MBNL2: variants seen among roughly 807,000 people sequenced by gnomAD.
MBNL2 encodes muscleblind like splicing regulator 2.
MBNL2 carries 17 observed loss-of-function variants against 41.9 expected under a neutral mutation model. That is an observed-to-expected ratio of 0.41 (90% confidence interval 0.28 to 0.61). The LOEUF (loss-of-function observed/expected upper bound fraction) is 0.61. MBNL2 is among the 20% of genes least tolerant of loss of function. The pLI is 0.35. For missense variants in MBNL2, 336 were observed against 505.6 expected, an observed-to-expected ratio of 0.66 and a Z score of 3.22; for synonymous variants, 195 against 182.9, an observed-to-expected ratio of 1.07 and a Z score of -0.53.
intron 8 of MBNL2, among the ~76,000 whole-genome samples, chr13:97,372,211 C>G (rs890685120): frequency 1.3e-5 from 2 of 152,148 alleles, no homozygotes; most frequent in Non-Finnish European, 1.5e-5. Flanking sequence ...GCCTTAGAAG[C>G]TAACGAAATC....
the MBNL2 span, among the ~76,000 whole-genome samples, chr13:97,211,885 C>A: frequency 1.2e-4 from 19 of 152,268 alleles, no homozygotes; most frequent in African/African-American, 4.6e-4. Context: ...TTTATCAAGA[C>A]TATATGCCGA....
Position 97,334,378 on chromosome 13 carries a change from G to A in MBNL2, c.277G>A (p.Ala93Thr). The A allele has an allele frequency of 6.2e-7, 1 of 1,613,558 alleles. No homozygotes were observed. Among genetic ancestry groups the A allele is most frequent in the African/African-American group, 1.3e-5 (1 of 75,008 alleles). Residue 93 changes from alanine (A) to threonine (T), a missense_variant, in exon 3 of 9, where the codon GCA (alanine) becomes ACA (threonine). Physicochemically the swap from Ala to Thr is moderately conservative, Grantham distance 58. Transcript: ENST00000679496. This position sits in a 1 kb window ranked among gnomAD's most constrained non-coding sequence, Gnocchi z 5.3. The part of the protein sequence containing the change: ...GRNNLIQQKT[A>T]AAMLAQQMQF... ...GAACAATTTGATTCAGCAAAAAACT[G>A]CAGCAGCAATGCTTGCCCAGCAGAT...
At chr13:97,195,418 ATTAT>A in the MBNL2 span, among the ~76,000 whole-genome samples, 1 of 152,094 alleles carries the variant, frequency 6.6e-6, no homozygotes, top group African/African-American at 2.4e-5. Flanking sequence ...TCAAGGACAT[ATTAT>A]TTGTCACTGT....
At chr13:97,264,019 T>A (rs997771114) in intron 1 of MBNL2, among the ~76,000 whole-genome samples, 40 of 149,628 alleles carry the variant, frequency 2.7e-4, no homozygotes, top group Non-Finnish European at 5.2e-4. Context: ...TTTTCTTTTT[T>A]TTTTTTTTTG....
intron 1 of MBNL2, among the ~76,000 whole-genome samples, chr13:97,231,632 C>G (rs1197392607): frequency 6.6e-6 from 1 of 152,184 alleles, no homozygotes; most frequent in African/African-American, 2.4e-5. Flanking sequence ...AAGCCAGGGA[C>G]TTCAGCAGCT....
intron 2 of MBNL2, among the ~76,000 whole-genome samples, chr13:97,317,264 CTG>C: frequency 6.6e-6 from 1 of 152,300 alleles, no homozygotes; most frequent in South Asian, 2.1e-4. Context: ...GCTGAACTGT[CTG>C]TGGATCACAG....
intron 1 of MBNL2, among the ~76,000 whole-genome samples, chr13:97,255,689 A>G (rs1244698106): frequency 1.3e-5 from 2 of 152,216 alleles, no homozygotes; most frequent in African/African-American, 4.8e-5. Context: ...CCACTTTGCA[A>G]ATAGGAAAGC....
chr13:97,352,485 A>C (rs1456104968), intron 5 of MBNL2, among the ~76,000 whole-genome samples: 5 of 152,242 alleles, frequency 3.3e-5, no homozygotes, highest in Admixed American at 3.3e-4. Context: ...TGAGTGCAGC[A>C]GTCAGACCAG....
the MBNL2 span, among the ~76,000 whole-genome samples, chr13:97,193,912 C>T: frequency 6.6e-6 from 1 of 152,238 alleles, no homozygotes; most frequent in Non-Finnish European, 1.5e-5. Context: ...ACTTTCTTCT[C>T]TCTCGCTATG....
chr13:97,145,945 G>A, the MBNL2 span, among the ~76,000 whole-genome samples: 1 of 146,690 alleles, frequency 6.8e-6, no homozygotes, highest in Non-Finnish European at 1.5e-5. Context: ...TTTACTTGCA[G>A]ACAGGGTTCT....
At chr13:97,371,194 A>ATAAT (rs2064341219) in intron 8 of MBNL2, among the ~76,000 whole-genome samples, 1 of 152,182 alleles carries the variant, frequency 6.6e-6, no homozygotes, top group Non-Finnish European at 1.5e-5. Flanking sequence ...GGGAGAGAAA[A>ATAAT]TAATTTTCAA....
upstream of MBNL2, among the ~76,000 whole-genome samples, chr13:97,220,238 AT>A (rs1424950550): frequency 6.6e-6 from 1 of 152,206 alleles, no homozygotes; most frequent in African/African-American, 2.4e-5. Context: ...CATTATCTTA[AT>A]TAATATACGA....
chr13:97,154,710 T>C, the MBNL2 span, among the ~76,000 whole-genome samples: 2 of 152,150 alleles, frequency 1.3e-5, no homozygotes, highest in African/African-American at 2.4e-5. Context: ...TGAGTCTTAC[T>C]CTGCCTTTAT....
chr13:97,355,309 C>T (rs2062889329), intron 5 of MBNL2, among the ~76,000 whole-genome samples: 1 of 152,100 alleles, frequency 6.6e-6, no homozygotes, highest in Non-Finnish European at 1.5e-5. Flanking sequence ...CATAGCTCTC[C>T]CCTTATCCCC....
intron 2 of MBNL2, among the ~76,000 whole-genome samples, chr13:97,276,813 T>C (rs2052235611): frequency 6.6e-6 from 1 of 151,652 alleles, no homozygotes; most frequent in Non-Finnish European, 1.5e-5. Flanking sequence ...TCTATTCTTA[T>C]GGCTTTTTTT....
the MBNL2 span, among the ~76,000 whole-genome samples, chr13:97,193,957 G>A: frequency 1.3e-5 from 2 of 152,138 alleles, no homozygotes. Context: ...TTCTGCAACA[G>A]GTCAAACTCC....
chr13:97,225,850 G>C (rs1001180545), intron 1 of MBNL2, among the ~76,000 whole-genome samples: 3 of 152,186 alleles, frequency 2.0e-5, no homozygotes, highest in Admixed American at 2.0e-4. Flanking sequence ...CATCCTTTCC[G>C]GAAGGGTCGA....
chr13:97,188,861 T>C, the MBNL2 span, among the ~76,000 whole-genome samples: 1 of 152,132 alleles, frequency 6.6e-6, no homozygotes, highest in Non-Finnish European at 1.5e-5. Flanking sequence ...CTTCCTTTAT[T>C]TTCAGCCAAG....
At chr13:97,207,662 A>G in the MBNL2 span, among the ~76,000 whole-genome samples, 2 of 152,174 alleles carry the variant, frequency 1.3e-5, no homozygotes, top group Non-Finnish European at 2.9e-5. Flanking sequence ...AAACCATATA[A>G]TTCCACCCCT....
Sources: gnomAD v4.1 joint callset for allele counts (sites outside exome capture counted in the v4.1 genomes callset) on GRCh38, gnomAD v4.1.1 for gene constraint, Gnocchi (gnomAD v3.1) non-coding constraint, MANE v1.5 for transcripts, NCBI Gene and HGNC (gene_info 2026-07-23, HGNC 2026-07-21) for gene names.